The following STAC variants were observed in gnomAD, a reference collection of about 807,000 sequenced individuals.
The protein encoded by STAC is SH3 and cysteine-rich domain-containing protein.
In STAC, 43 loss-of-function variants were observed where a neutral mutation model predicts 48.8. The observed-to-expected ratio is 0.88, with a 90% confidence interval of 0.69 to 1.14. The LOEUF is 1.14. Among genes scored for constraint, STAC ranks in the 50% most tolerant of loss-of-function variants. The pLI is 0.00. For synonymous variants in STAC, 193 were observed against 179.5 expected (o/e 1.07, Z -0.60); for missense variants, 497 against 504.0 (o/e 0.99, Z 0.13).
Position 36,398,657 on chromosome 3 carries a change from AAAGG to A in STAC, c.111+17918_111+17921del, listed in dbSNP as rs150269082. Among the ~76,000 whole-genome samples the A allele has an allele frequency of 7.8e-4, 80 of 102,390 alleles. 1 individual carries two copies. Among genetic ancestry groups the A allele is most frequent in the African/African-American group, 2.0e-3 (57 of 28,648 alleles). 67.2% of individuals were successfully genotyped at this position (102,390 alleles called of 152,430 possible). ...GAGAAAGAAAGAAAGAAAGAGAAAG[AAAGG>A]AAGGAAGGAAGGAAAGAAAGAAAGA... On this transcript the variant is annotated intron_variant, in intron 1 of 10. Coordinates refer to ENST00000273183, the MANE Select transcript of STAC (RefSeq NM_003149.3).
At chr3:36,487,261 G>A (rs774538932) in intron 5 of STAC, among the ~76,000 whole-genome samples, 2 of 152,140 alleles carry the variant, frequency 1.3e-5, no homozygotes, top group Non-Finnish European at 2.9e-5. Flanking sequence ...CCTCTATTGG[G>A]TGCAGTTTAA....
At chr3:36,421,556 C>T (rs1397863989) in intron 1 of STAC, among the ~76,000 whole-genome samples, 2 of 152,020 alleles carry the variant, frequency 1.3e-5, no homozygotes, top group South Asian at 4.2e-4. Flanking sequence ...CATGATGATT[C>T]CCCCACCGAC....
Position 36,394,828 on chromosome 3 carries a change from C to T in STAC, c.111+14074C>T, listed in dbSNP as rs533469548. Among the ~76,000 whole-genome samples the T allele has an allele frequency of 6.0e-5, 9 of 150,698 alleles. No homozygotes were observed. The East Asian group carries it at 1.2e-3, about 20-fold the overall frequency. On this transcript the variant is annotated intron_variant, in intron 1 of 10. Transcript: ENST00000273183. ...AGGAGAATCGCTTGAACCTGGGAGG[C>T]GGAGGTTGCATGCCACTACACTCCG...
intron 2 of STAC, among the ~76,000 whole-genome samples, chr3:36,463,761 G>A (rs1486666740): frequency 2.0e-5 from 3 of 147,546 alleles, no homozygotes; most frequent in East Asian, 2.0e-4. Flanking sequence ...GAGAACATGC[G>A]GTGTTTGGTT....
chr3:36,418,146 C>T (rs73059977), intron 1 of STAC, among the ~76,000 whole-genome samples: 2,748 of 151,648 alleles, frequency 0.018, 51 homozygotes, highest in Non-Finnish European at 0.025. Context: ...TATGATTTTT[C>T]GGTATCTCTC....
intron 1 of STAC, among the ~76,000 whole-genome samples, chr3:36,381,903 G>T (rs904048964): frequency 6.6e-6 from 1 of 152,162 alleles, no homozygotes; most frequent in African/African-American, 2.4e-5. Context: ...CTTACTGGCT[G>T]CCAGACCTGG....
intron 10 of STAC, among the ~76,000 whole-genome samples, chr3:36,530,705 C>T (rs1162042474): frequency 6.6e-6 from 1 of 150,624 alleles, no homozygotes; most frequent in Non-Finnish European, 1.5e-5. Context: ...AAGCCATTCT[C>T]CTGCCTCAGC....
intron 8 of STAC, among the ~76,000 whole-genome samples, chr3:36,509,111 G>A (rs531024971): frequency 6.6e-6 from 1 of 152,134 alleles, no homozygotes; most frequent in African/African-American, 2.4e-5. Flanking sequence ...AGGCATGCCT[G>A]GTGGTGACAG....
At chr3:36,402,618 G>T (rs1700019764) in intron 1 of STAC, among the ~76,000 whole-genome samples, 1 of 152,090 alleles carries the variant, frequency 6.6e-6, no homozygotes, top group Non-Finnish European at 1.5e-5. Context: ...AGGGAACAGA[G>T]TCCAAGATAA....
Position 36,402,829 on chromosome 3 carries a change from G to C in STAC, c.111+22075G>C, listed in dbSNP as rs143398601. Among the ~76,000 whole-genome samples, 47 of 152,210 alleles carry C rather than the reference G, an allele frequency of 3.1e-4. 1 individual carries two copies. In the East Asian group the frequency reaches 7.5e-3, roughly 24 times the overall value. On this transcript the variant is annotated intron_variant, in intron 1 of 10. Transcript: ENST00000273183. The stretch of plus-strand genomic sequence containing the variant: ...ATCCTAAAGCAAAGTTGGCCTGTCC[G>C]TCTTCCCACCTCAGATGGATTCAGG...
intron 1 of STAC, among the ~76,000 whole-genome samples, chr3:36,392,567 T>G (rs1699775223): frequency 6.6e-6 from 1 of 152,112 alleles, no homozygotes; most frequent in African/African-American, 2.4e-5. Context: ...GAGGTCTCCC[T>G]ATGTTGCCCA....
At chr3:36,464,805 T>C (rs565118117) in intron 2 of STAC, among the ~76,000 whole-genome samples, 47 of 152,268 alleles carry the variant, frequency 3.1e-4, no homozygotes, top group African/African-American at 1.1e-3. Context: ...TTGAGTAGTA[T>C]TCCATGGTGT....
In STAC at chr3:36,505,959, G is replaced by A. The variant is rs1034803794; in HGVS notation, c.920+125G>A. On this transcript the variant is annotated intron_variant, in intron 8 of 10. Transcript: ENST00000273183. The stretch of plus-strand genomic sequence containing the variant: ...AGCTGTGATTCTCAAACTTTAGCAT[G>A]TATCTAATGACCTGCAAGGCTGGTT... 7 of 614,042 alleles carry A rather than the reference G, an allele frequency of 1.1e-5. No individual in the cohort carries two copies. The East Asian group carries it at 1.5e-4, about 13-fold the overall frequency. 38.0% of individuals were successfully genotyped at this position (614,042 alleles called of 1,614,324 possible).
intron 1 of STAC, among the ~76,000 whole-genome samples, chr3:36,386,383 A>G (rs1303983862): frequency 6.7e-6 from 1 of 149,902 alleles, no homozygotes; most frequent in Non-Finnish European, 1.5e-5. Flanking sequence ...GAAAAAATGT[A>G]TTGCAGATAT....
At chr3:36,396,862 A>G (rs1699867632) in intron 1 of STAC, among the ~76,000 whole-genome samples, 2 of 152,248 alleles carry the variant, frequency 1.3e-5, no homozygotes, top group East Asian at 1.9e-4. Flanking sequence ...TAATGACTCT[A>G]TACTGCTGTT....
intron 3 of STAC, 60 bp from the exon 4 acceptor site, chr3:36,484,917 T>C: frequency 1.4e-6 from 2 of 1,403,932 alleles, no homozygotes; most frequent in Non-Finnish European, 1.9e-6. Context: ...AGGGAGCTCT[T>C]GTATGGTTTT....
rs1700080429 is a variant in STAC, at chr3:36,405,945, A to T, written c.111+25191A>T. ...ACTTTGTTGCCCAGGATGGTCTTGAACTCCTGGATTCAAGCAATTCTCATG... is the reference window on the plus strand; with the variant it reads ...ACTTTGTTGCCCAGGATGGTCTTGATCTCCTGGATTCAAGCAATTCTCATG... On this transcript the variant is annotated intron_variant, in intron 1 of 10. Transcript: ENST00000273183. Among the ~76,000 whole-genome samples the T allele has an allele frequency of 2.0e-5, 3 of 151,232 alleles. No homozygotes were observed. In the South Asian group the frequency reaches 6.3e-4, roughly 32 times the overall value.
chr3:36,517,756 T>A (rs1698708042), intron 8 of STAC, among the ~76,000 whole-genome samples: 1 of 152,154 alleles, frequency 6.6e-6, no homozygotes, highest in Admixed American at 6.6e-5. Context: ...TACTGCTCTG[T>A]GAATTAACAT....
At chr3:36,512,047 C>T (rs1256181616) in intron 8 of STAC, among the ~76,000 whole-genome samples, 1 of 152,126 alleles carries the variant, frequency 6.6e-6, no homozygotes, top group African/African-American at 2.4e-5. Flanking sequence ...AGATCTGCTG[C>T]CAGGTGATTC....
Sources: allele counts gnomAD v4.1 joint callset (sites outside exome capture counted in the v4.1 genomes callset), GRCh38; gene constraint gnomAD v4.1.1; transcripts MANE v1.5; gene names NCBI Gene and HGNC (gene_info 2026-07-23, HGNC 2026-07-21).